The following HERC3 variants were observed in gnomAD, a reference collection of about 807,000 sequenced individuals.
The protein encoded by HERC3 is HECT and RLD domain containing E3 ubiquitin protein ligase 3, also known as probable E3 ubiquitin-protein ligase HERC3.
A neutral mutation model predicts 129.9 loss-of-function variants in HERC3; 58 were observed. That is an observed-to-expected ratio of 0.45 (90% CI 0.36 to 0.56). HERC3 has a LOEUF of 0.56. Among genes scored for constraint, HERC3 ranks in the 20% least tolerant of loss-of-function variants. The probability of loss-of-function intolerance (pLI) is 0.00; values close to 1 mark genes in which losing one functional copy is unlikely to be tolerated. For missense variants in HERC3, 835 were observed against 1,244.2 expected, an observed-to-expected ratio of 0.67 and a Z score of 4.95; for synonymous variants, 430 against 451.0, an observed-to-expected ratio of 0.95 and a Z score of 0.59.
the HERC3 span, among the ~76,000 whole-genome samples, chr4:88,547,936 A>T: frequency 6.6e-6 from 1 of 152,186 alleles, no homozygotes; most frequent in East Asian, 1.9e-4. Context: ...GATTACAGGT[A>T]AGAGCCACTG....
the HERC3 span, among the ~76,000 whole-genome samples, chr4:88,560,555 T>G: frequency 6.6e-6 from 1 of 152,216 alleles, no homozygotes; most frequent in Non-Finnish European, 1.5e-5. Flanking sequence ...TTTTCCTGAT[T>G]ATTTCCTTTG....
intron 3 of HERC3, among the ~76,000 whole-genome samples, chr4:88,613,134 TC>T (rs1219708634): frequency 1.3e-5 from 2 of 152,220 alleles, no homozygotes; most frequent in Non-Finnish European, 2.9e-5. Context: ...TTTCTCCCTA[TC>T]TTGAATAGAC....
intron 23 of HERC3, chr4:88,697,853 C>T (rs750299510): frequency 2.8e-5 from 41 of 1,473,198 alleles, no homozygotes; most frequent in Non-Finnish European, 3.4e-5. Context: ...GTGGCGGTGA[C>T]GTGCGGCCGC....
intron 3 of HERC3, among the ~76,000 whole-genome samples, chr4:88,624,231 C>G (rs1292577904): frequency 1.3e-5 from 2 of 152,124 alleles, no homozygotes; most frequent in East Asian, 3.9e-4. Context: ...TATGAACATT[C>G]AATTACAAAT....
At chr4:88,662,402 T>G (rs1730584365) in intron 10 of HERC3, 29 bp from the exon 11 acceptor site, 2 of 1,588,934 alleles carry the variant, frequency 1.3e-6, no homozygotes, top group Non-Finnish European at 1.7e-6. Context: ...CATAATTTCT[T>G]CTTTTTACTG....
At chr4:88,616,893 A>G (rs1724958597) in intron 3 of HERC3, among the ~76,000 whole-genome samples, 2 of 151,914 alleles carry the variant, frequency 1.3e-5, no homozygotes, top group African/African-American at 4.8e-5. Context: ...TGATGCAGAG[A>G]TTTATTCTTC....
At chr4:88,612,836 T>C (rs1307322111) in intron 3 of HERC3, among the ~76,000 whole-genome samples, 1 of 151,960 alleles carries the variant, frequency 6.6e-6, no homozygotes, top group African/African-American at 2.4e-5. Flanking sequence ...AAACATAAGC[T>C]TTTTTTTCCT....
In HERC3 at chr4:88,606,606, G is replaced by A. The variant is rs140934570; in HGVS notation, c.226+557G>A. The stretch of plus-strand genomic sequence containing the variant: ...AGGTTTATTGGGTTTACAGTTCCAC[G>A]TGGCTGGGGAGGCCTCACAATCATG... On this transcript the variant is annotated intron_variant, in intron 3 of 25. Coordinates refer to ENST00000402738, the MANE Select transcript of HERC3 (RefSeq NM_014606.3). Among the ~76,000 whole-genome samples the A allele has an allele frequency of 7.6e-4, 116 of 152,242 alleles. 1 individual carries two copies. The East Asian group carries it at 0.02, about 26-fold the overall frequency.
At chr4:88,632,660 C>T (rs1249076723) in intron 3 of HERC3, among the ~76,000 whole-genome samples, 1 of 152,086 alleles carries the variant, frequency 6.6e-6, no homozygotes, top group East Asian at 1.9e-4. Flanking sequence ...ACAGAGGTGA[C>T]AGAGGAAAGA....
chr4:88,598,844 A>G (rs191348344), intron 2 of HERC3, among the ~76,000 whole-genome samples: 1 of 152,320 alleles, frequency 6.6e-6, no homozygotes, highest in East Asian at 1.9e-4. Flanking sequence ...GACTCAGGAA[A>G]GTGCCAGGTT....
chr4:88,577,521 G>A, the HERC3 span, among the ~76,000 whole-genome samples: 5 of 146,606 alleles, frequency 3.4e-5, no homozygotes, highest in Non-Finnish European at 6.0e-5. Context: ...ATTTATATAA[G>A]TGCCACATAT....
At chr4:88,592,064 C>A (rs1721744053), upstream of HERC3, among the ~76,000 whole-genome samples, 1 of 152,210 alleles carries the variant, frequency 6.6e-6, no homozygotes, top group Admixed American at 6.5e-5. Flanking sequence ...AATTGTCACC[C>A]TCCAGCTTTT....
At chr4:88,530,437 A>G in the HERC3 span, among the ~76,000 whole-genome samples, 13 of 152,332 alleles carry the variant, frequency 8.5e-5, no homozygotes, top group South Asian at 2.5e-3. Flanking sequence ...TTGAACTTAT[A>G]CTGTATATGA....
the HERC3 span, among the ~76,000 whole-genome samples, chr4:88,525,458 C>T: frequency 6.6e-6 from 1 of 152,222 alleles, no homozygotes; most frequent in East Asian, 1.9e-4. Flanking sequence ...TGAGTGGGCC[C>T]AACCCTTGGC....
At chr4:88,682,071 A>G (rs541673087) in intron 21 of HERC3, among the ~76,000 whole-genome samples, 1 of 152,212 alleles carries the variant, frequency 6.6e-6, no homozygotes. Flanking sequence ...TGTTATATGG[A>G]TATGCCACAT....
At chr4:88,693,056 T>C (rs1734237705) in intron 23 of HERC3, 1 of 977,180 alleles carries the variant, frequency 1.0e-6, no homozygotes, top group African/African-American at 1.8e-5. Context: ...AATGCTTATA[T>C]TTAAAATGCT....
chr4:88,699,312 C>CCACTCATCGACCTAGCTCCACCCTCT (rs1578349734), intron 23 of HERC3, among the ~76,000 whole-genome samples: 1 of 55,176 alleles, frequency 1.8e-5, no homozygotes, highest in African/African-American at 1.2e-4. Context: ...CAGCCCCACC[C>CCACTCATCGACCTAGCTCCACCCTCT]TCTTCCTCCC....
intron 23 of HERC3, among the ~76,000 whole-genome samples, chr4:88,695,124 T>C (rs893638046): frequency 6.6e-6 from 1 of 152,190 alleles, no homozygotes; most frequent in African/African-American, 2.4e-5. Flanking sequence ...ATTTTTTCTC[T>C]ATTAAGATAA....
chr4:88,706,384 TG>T (rs1280857350), intron 25 of HERC3, among the ~76,000 whole-genome samples: 1 of 152,124 alleles, frequency 6.6e-6, no homozygotes, highest in African/African-American at 2.4e-5. Context: ...AGATCCTAAA[TG>T]GAATTCCGTA....
Sources: allele counts gnomAD v4.1 joint callset (sites outside exome capture counted in the v4.1 genomes callset), GRCh38; gene constraint gnomAD v4.1.1; transcripts MANE v1.5; gene names NCBI Gene and HGNC (gene_info 2026-07-23, HGNC 2026-07-21).